The following COCH variants were observed in gnomAD, a reference collection of about 807,000 sequenced individuals.
The protein encoded by COCH is coagulation factor C homolog, cochlin (Limulus polyphemus).
COCH carries 40 observed loss-of-function variants against 54.8 expected under a neutral mutation model. That is an observed-to-expected ratio of 0.73 (90% confidence interval 0.57 to 0.95). The LOEUF (loss-of-function observed/expected upper bound fraction) is 0.95, where lower values mean the gene tolerates loss of function less well. Ranked by LOEUF, COCH falls within the 40% of genes least tolerant of loss-of-function variation. The pLI is 0.00. For missense variants in COCH, 605 were observed against 675.0 expected (o/e 0.90, Z 1.15); for synonymous variants, 256 against 237.9 (o/e 1.08, Z -0.70).
At chr14:30,879,065 C>A (rs987778513) in intron 5 of COCH, 121 bp downstream of exon 5, 2 of 1,411,980 alleles carry the variant, frequency 1.4e-6, no homozygotes, top group African/African-American at 1.4e-5. Flanking sequence ...TAAAGCTGAC[C>A]TATAGAGGTA....
At chr14:30,884,745 G>C in intron 9 of COCH, 89 bp downstream of exon 9, 1 of 1,287,106 alleles carries the variant, frequency 7.8e-7, no homozygotes, top group Non-Finnish European at 1.1e-6. Context: ...TTTTATATGA[G>C]CAGATGTGAA....
Position 30,885,888 on chromosome 14 carries a change from C to G in COCH, c.1053C>G (p.Cys351Trp). 6.2e-7 allele frequency: 1 copy of G among 1,614,132 alleles called. No homozygotes were observed. The highest frequency in any genetic ancestry group is 8.5e-7 in the Non-Finnish European group (1 of 1,179,986). Reference protein sequence around the residue: ...KYVKPLVQKLCTHEQMMCSKT... With the variant: ...KYVKPLVQKLWTHEQMMCSKT... ...TAAAGCCTCTGGTACAGAAGCTGTGCACTCATGAACAAATGATGTGCAGCA... is the reference window on the plus strand; with the variant it reads ...TAAAGCCTCTGGTACAGAAGCTGTGGACTCATGAACAAATGATGTGCAGCA... The change falls in exon 11 of 12, where the codon TGC becomes TGG. Residue 351 changes from cysteine to tryptophan, a missense_variant. By Grantham distance (215) the Cys-to-Trp change is radical (BLOSUM62 -2). Coordinates refer to ENST00000396618, the MANE Select transcript of COCH (RefSeq NM_004086.3).
chr14:30,885,329 A>G, intron 9 of COCH, 65 bp from the exon 10 acceptor site: 1 of 1,349,928 alleles, frequency 7.4e-7, no homozygotes, highest in Non-Finnish European at 1.1e-6. Flanking sequence ...CAAATGCTAC[A>G]GGGAAACAGA....
chr14:30,895,491 T>C (rs1013479603), downstream of COCH: 2 of 1,614,148 alleles, frequency 1.2e-6, no homozygotes, highest in South Asian at 1.1e-5. Context: ...ACATCATAAA[T>C]TGATTCATCC....
chr14:30,880,559 A>C, intron 7 of COCH, 28 bp from the exon 8 acceptor site: 1 of 1,614,156 alleles, frequency 6.2e-7, no homozygotes, highest in Non-Finnish European at 8.5e-7. Context: ...GAGACTGCTA[A>C]TGAGGGGACT....
rs1348253580 is a variant in COCH, at chr14:30,877,624, A to G, written c.135A>G (p.Lys45=). ...FTRGLDIRKE[K]ADVLCPGGCP... is the part of the protein sequence containing the mutation. The stretch of plus-strand genomic sequence containing the variant: ...GAGGCTTGGACATCAGGAAAGAGAA[A>G]GCAGATGTCCTCTGCCCAGGGGGCT... The change falls in exon 4 of 12, where the codon AAA becomes AAG. Residue 45 remains lysine (K), a synonymous_variant. Transcript: ENST00000396618. This position sits in a 1 kb window ranked among gnomAD's most constrained non-coding sequence, Gnocchi z 8.6. 6.2e-7 allele frequency: 1 copy of G among 1,614,238 alleles called. No homozygotes were observed. Among genetic ancestry groups the G allele is most frequent in the Non-Finnish European group, 8.5e-7 (1 of 1,180,034 alleles).
In COCH at chr14:30,889,981, G is replaced by A; in HGVS notation, c.*190G>A. The A allele has an allele frequency of 7.5e-7, 1 of 1,336,050 alleles. No individual in the cohort carries two copies. Among genetic ancestry groups the A allele is most frequent in the South Asian group, 1.9e-5 (1 of 52,366 alleles). The allele number at this position is 1,336,050 out of a possible 1,614,324, so 82.8% of individuals were successfully genotyped here. ...CTGGTTACAATTTACAGTGTACTTT[G>A]TTAAAAACACTGCTGAGGCTTCATA... On this transcript the variant is annotated 3_prime_UTR_variant, in exon 12 of 12. Transcript: ENST00000396618.
At chr14:30,879,706 C>T (rs1895501188) in intron 6 of COCH, among the ~76,000 whole-genome samples, 1 of 152,206 alleles carries the variant, frequency 6.6e-6, no homozygotes, top group Admixed American at 6.5e-5. Flanking sequence ...TACAGTGGTG[C>T]AATCATAGCT....
At position 30,889,768 on chromosome 14, in the gene COCH, G is replaced by T. The variant is rs1322811441; in HGVS notation, c.1630G>T (p.Asp544Tyr). ...VSDVIRGICRDFLESQQ is the reference protein window; with the variant it reads ...VSDVIRGICRYFLESQQ ...TGATGTCATCAGAGGCATTTGTAGA[G>T]ATTTCTTAGAATCCCAGCAATAATG... The change falls in exon 12 of 12, where the codon GAT becomes TAT. Residue 544 changes from aspartate (D) to tyrosine (Y), a missense_variant. Physicochemically the swap from Asp to Tyr is radical, Grantham distance 160. Transcript: ENST00000396618. 3 of 1,609,772 alleles carry T rather than the reference G, an allele frequency of 1.9e-6. No homozygotes were observed. The highest frequency in any genetic ancestry group is 1.3e-5 in the African/African-American group (1 of 74,832).
chr14:30,880,302 TC>T, intron 6 of COCH, 149 bp from the exon 7 acceptor site: 4 of 1,175,494 alleles, frequency 3.4e-6, no homozygotes, highest in Non-Finnish European at 4.8e-6. Context: ...GTCATTGCTT[TC>T]CCTAGTCCAG....
intron 3 of COCH, among the ~76,000 whole-genome samples, chr14:30,876,858 A>G (rs1395941683): frequency 6.6e-6 from 1 of 152,052 alleles, no homozygotes; most frequent in African/African-American, 2.4e-5. Flanking sequence ...GAGTGCAGTG[A>G]TGCAATCATA....
At position 30,875,191 on chromosome 14, in the gene COCH, C is replaced by T. The variant is rs56946687; in HGVS notation, c.82+88C>T. ...CGGGACTCAGATCCAGCCCCTTGGG[C>T]TTCAGCCCTACCGCCTGAGGAGGAA... On this transcript the variant is annotated intron_variant, in intron 3 of 11. Transcript: ENST00000396618. The T allele has an allele frequency of 7.1e-4, 1,072 of 1,518,400 alleles. 9 individuals carry two copies. The East Asian group carries it at 0.023, about 33-fold the overall frequency. 94.1% of individuals were successfully genotyped at this position (1,518,400 alleles called of 1,614,324 possible).
Position 30,884,841 on chromosome 14 carries a change from G to C in COCH, c.733+185G>C. ...ATTTATAATGGAAGTATACCAAAGT[G>C]TTGATATTTCTTATTTTAAAAAATA... On this transcript the variant is annotated intron_variant, in intron 9 of 11. Coordinates refer to ENST00000396618, the MANE Select transcript of COCH (RefSeq NM_004086.3). The C allele has an allele frequency of 6.9e-6, 10 of 1,444,898 alleles. No individual in the cohort carries two copies. In the South Asian group the frequency reaches 1.4e-4, roughly 20 times the overall value. The allele number at this position is 1,444,898 out of a possible 1,614,324, so 89.5% of individuals were successfully genotyped here.
intron 6 of COCH, 152 bp downstream of exon 6, chr14:30,879,637 A>C (rs553520822): frequency 1.4e-4 from 109 of 771,646 alleles, no homozygotes; most frequent in Non-Finnish European, 2.3e-4. Context: ...TTACATATGG[A>C]AACATTCATT....
In COCH at chr14:30,875,076, C is replaced by T. The variant is rs773128988; in HGVS notation, c.55C>T (p.Pro19Ser). ...LGLGVCLLLL[P>S]GPAGSEGAAP... Reference sequence around the variant, plus strand: ...CGCAGGTGTGTGTCTGCTGCTGCTGCCGGGGCCCGCGGGCAGCGAGGGAGC... The same window carrying T: ...CGCAGGTGTGTGTCTGCTGCTGCTGTCGGGGCCCGCGGGCAGCGAGGGAGC... Residue 19 changes from proline (P) to serine (S), a missense_variant, in exon 3 of 12, where the codon CCG (proline) becomes TCG (serine). By Grantham distance (74) the Pro-to-Ser change is moderately conservative. Coordinates refer to ENST00000396618, the MANE Select transcript of COCH (RefSeq NM_004086.3). 1 of 1,594,314 alleles carries T rather than the reference C, an allele frequency of 6.3e-7. No individual in the cohort carries two copies. Among genetic ancestry groups the T allele is most frequent in the East Asian group, 2.3e-5 (1 of 44,124 alleles).
chr14:30,881,377 G>A (rs532401155), intron 8 of COCH, among the ~76,000 whole-genome samples: 1 of 152,308 alleles, frequency 6.6e-6, no homozygotes, highest in Admixed American at 6.5e-5. Flanking sequence ...ATCTAAGACT[G>A]CCTGGGCAGA....
downstream of COCH, among the ~76,000 whole-genome samples, chr14:30,892,334 C>A (rs961751763): frequency 6.6e-6 from 1 of 152,100 alleles, no homozygotes; most frequent in African/African-American, 2.4e-5. Context: ...ATAATCATCA[C>A]ATTTCAGATC....
chr14:30,888,679 T>C (rs1157215537), intron 11 of COCH, among the ~76,000 whole-genome samples: 2 of 151,954 alleles, frequency 1.3e-5, no homozygotes, highest in Middle Eastern at 3.4e-3. Context: ...TCCCAGCTAT[T>C]TGAGGATGGG....
At position 30,886,206 on chromosome 14, in the gene COCH, G is replaced by A. The variant is rs765878055; in HGVS notation, c.1371G>A (p.Val457=). ...CCATTTCCTTCACTGTTAGAAATGT[G>A]TTTGGCCCTATAAGGGAGAGCCCCA... The part of the protein sequence containing the change: ...GDAISFTVRN[V]FGPIRESPNK... The change falls in exon 11 of 12, where the codon GTG becomes GTA. Residue 457 remains valine, a synonymous_variant. Transcript: ENST00000396618. 1.2e-6 allele frequency: 2 copies of A among 1,611,862 alleles called. No homozygotes were observed. The highest frequency in any genetic ancestry group is 2.2e-5 in the East Asian group (1 of 44,840).
Sources: gnomAD v4.1 joint callset for allele counts (sites outside exome capture counted in the v4.1 genomes callset) on GRCh38, gnomAD v4.1.1 for gene constraint, Gnocchi (gnomAD v3.1) non-coding constraint, MANE v1.5 for transcripts, NCBI Gene and HGNC (gene_info 2026-07-23, HGNC 2026-07-21) for gene names.